SYN3: variants seen among roughly 807,000 people sequenced by gnomAD.
SYN3 encodes synapsin III.
In SYN3, 35 loss-of-function variants were observed where a neutral mutation model predicts 65.8. The observed-to-expected ratio is 0.53, with a 90% CI of 0.41 to 0.70. SYN3 has a LOEUF of 0.70. SYN3 is among the 30% of genes least tolerant of loss of function. The pLI, the probability that SYN3 is intolerant of heterozygous loss-of-function variation, is 0.00. For synonymous variants in SYN3, 270 were observed against 292.9 expected, an observed-to-expected ratio of 0.92 and a Z score of 0.80; for missense variants, 680 against 749.0, an observed-to-expected ratio of 0.91 and a Z score of 1.08.
intron 1 of SYN3, among the ~76,000 whole-genome samples, chr22:33,037,917 AAAAG>A (rs1270910222): frequency 1.3e-5 from 2 of 152,220 alleles, no homozygotes; most frequent in South Asian, 2.1e-4. Context: ...AAGAAAGAGA[AAAAG>A]AAAGGTAAAA....
intron 7 of SYN3, among the ~76,000 whole-genome samples, chr22:32,567,265 G>A (rs559281313): frequency 5.3e-5 from 8 of 152,026 alleles, no homozygotes; most frequent in Non-Finnish European, 8.8e-5. Flanking sequence ...GCCCATCGGT[G>A]GATTGATTCA....
chr22:32,867,135 A>G (rs1164439915), intron 5 of SYN3, among the ~76,000 whole-genome samples: 1 of 152,168 alleles, frequency 6.6e-6, no homozygotes, highest in Non-Finnish European at 1.5e-5. Context: ...CTACCACCCT[A>G]CACCACCAGG....
rs141124935 is a variant in SYN3, at chr22:32,510,807, G to A, written c.*2885C>T. On this transcript the variant is annotated 3_prime_UTR_variant, in exon 14 of 14. Coordinates refer to ENST00000358763, the MANE Select transcript of SYN3 (RefSeq NM_003490.4). ...GAAGGGCCCAGGAACCTTCCAGTCT[G>A]AGAGGCTGGTATTCTGGTTCTTTCA... is the stretch of plus-strand genomic sequence containing the variant. Among the ~76,000 whole-genome samples, 473 of 152,238 alleles carry A rather than the reference G, an allele frequency of 3.1e-3. 1 individual carries two copies. Among genetic ancestry groups the A allele is most frequent in the African/African-American group, 0.011 (450 of 41,528 alleles).
intron 3 of SYN3, among the ~76,000 whole-genome samples, chr22:32,975,835 A>C (rs1262526685): frequency 6.6e-6 from 1 of 152,246 alleles, no homozygotes; most frequent in Non-Finnish European, 1.5e-5. Context: ...CTATCAAGTA[A>C]TCATTTCCTA....
intron 7 of SYN3, among the ~76,000 whole-genome samples, chr22:32,554,368 C>T (rs1338898280): frequency 3.9e-5 from 6 of 152,108 alleles, no homozygotes; most frequent in Non-Finnish European, 7.4e-5. Flanking sequence ...ACTGAAATCC[C>T]CTGGTTTATT....
chr22:32,941,590 G>A (rs775687011), intron 3 of SYN3, among the ~76,000 whole-genome samples: 18 of 149,926 alleles, frequency 1.2e-4, no homozygotes, highest in East Asian at 3.9e-4. Context: ...GGGGTGTGTC[G>A]GACAGTGGGG....
chr22:32,723,147 C>G (rs1482319722), intron 6 of SYN3, among the ~76,000 whole-genome samples: 1 of 152,222 alleles, frequency 6.6e-6, no homozygotes, highest in Non-Finnish European at 1.5e-5. Flanking sequence ...AGTAAGCCAT[C>G]TGCCGCCAGA....
At chr22:32,847,209 G>A (rs923805489) in intron 6 of SYN3, among the ~76,000 whole-genome samples, 1 of 152,218 alleles carries the variant, frequency 6.6e-6, no homozygotes, top group African/African-American at 2.4e-5. Context: ...CGGAGGTGAA[G>A]CTGTTATAAC....
chr22:32,999,294 C>A (rs1322342884), intron 2 of SYN3, among the ~76,000 whole-genome samples: 1 of 151,944 alleles, frequency 6.6e-6, no homozygotes, highest in Non-Finnish European at 1.5e-5. Flanking sequence ...GCCAGGTGTA[C>A]AAGATAGGGA....
chr22:32,586,010 ATACGTATATATGTATGTATGTATATATG>A (rs1225778586), intron 7 of SYN3, among the ~76,000 whole-genome samples: 1 of 138,692 alleles, frequency 7.2e-6, no homozygotes, highest in South Asian at 2.3e-4. Flanking sequence ...GTATGTATGT[ATACGTATATATGTATGTATGTATATATG>A]TATATGTATA....
chr22:32,933,862 T>C (rs1601725025), intron 3 of SYN3, among the ~76,000 whole-genome samples: 1 of 152,284 alleles, frequency 6.6e-6, no homozygotes, highest in East Asian at 1.9e-4. Context: ...AAAGTTTACA[T>C]TGAAGGGAAA....
In SYN3 at chr22:32,620,145, C is replaced by T. The variant is rs143034224; in HGVS notation, c.712-23409G>A. On this transcript the variant is annotated intron_variant, in intron 6 of 13. Coordinates refer to ENST00000358763, the MANE Select transcript of SYN3 (RefSeq NM_003490.4). ...GGTTTGTTACACACCAATAGCTAAC[C>T]GATACATAAACCTTAAAGATCTTAA... Among the ~76,000 whole-genome samples, 85 of 152,260 alleles carry T rather than the reference C, an allele frequency of 5.6e-4. No individual in the cohort carries two copies. The East Asian group carries it at 6.9e-3, about 12-fold the overall frequency.
At chr22:32,535,880 G>A (rs924452587) in intron 9 of SYN3, among the ~76,000 whole-genome samples, 11 of 152,214 alleles carry the variant, frequency 7.2e-5, no homozygotes, top group South Asian at 2.1e-4. Flanking sequence ...GCAAGCAGGC[G>A]AGCCAGTGGA....
rs2057663956 is a variant in SYN3 at position 32,509,169 on chromosome 22, G to A, written c.*4523C>T. Among the ~76,000 whole-genome samples, 1 of 152,184 alleles carries A rather than the reference G, an allele frequency of 6.6e-6. No homozygotes were observed. The highest frequency in any genetic ancestry group is 1.5e-5 in the Non-Finnish European group (1 of 68,024). On this transcript the variant is annotated 3_prime_UTR_variant, in exon 14 of 14. Coordinates refer to ENST00000358763, the MANE Select transcript of SYN3 (RefSeq NM_003490.4). ...GTACCATTTTATCGCGCTGACGGGAGGAAGATCTGGAAGAACTTTTCTGTG... is the reference window on the plus strand; with the variant it reads ...GTACCATTTTATCGCGCTGACGGGAAGAAGATCTGGAAGAACTTTTCTGTG...
intron 6 of SYN3, among the ~76,000 whole-genome samples, chr22:32,734,135 C>T (rs1005709661): frequency 4.6e-5 from 7 of 152,148 alleles, no homozygotes; most frequent in Non-Finnish European, 7.4e-5. Flanking sequence ...TGGACAGAGG[C>T]AATCCCTCAT....
At chr22:33,049,384 T>TG (rs1466101792) in intron 1 of SYN3, among the ~76,000 whole-genome samples, 4 of 152,336 alleles carry the variant, frequency 2.6e-5, no homozygotes, top group Admixed American at 2.6e-4. Flanking sequence ...CAAATTCCAC[T>TG]GCTGCAGCTA....
intron 6 of SYN3, among the ~76,000 whole-genome samples, chr22:32,815,432 A>G (rs745814651): frequency 8.5e-5 from 13 of 152,296 alleles, no homozygotes; most frequent in Non-Finnish European, 1.5e-4. Context: ...CCATTTGATA[A>G]TATTTTAACA....
At chr22:32,821,801 A>G (rs1398760524) in intron 6 of SYN3, among the ~76,000 whole-genome samples, 1 of 152,162 alleles carries the variant, frequency 6.6e-6, no homozygotes, top group East Asian at 1.9e-4. Flanking sequence ...CTGCAAGACA[A>G]AGAGGGCCTC....
chr22:32,778,249 C>A (rs1014396871), intron 6 of SYN3, among the ~76,000 whole-genome samples: 1 of 152,112 alleles, frequency 6.6e-6, no homozygotes, highest in Non-Finnish European at 1.5e-5. Flanking sequence ...TATTCTCATG[C>A]CTCATTTCCT....
Sources: allele counts gnomAD v4.1 joint callset (sites outside exome capture counted in the v4.1 genomes callset), GRCh38; gene constraint gnomAD v4.1.1; transcripts MANE v1.5; gene names NCBI Gene and HGNC (gene_info 2026-07-23, HGNC 2026-07-21).